The following TMEM91 variants were observed in gnomAD, a reference collection of about 807,000 sequenced individuals.
TMEM91 encodes dispanin subfamily C member 3.
In TMEM91, 6 loss-of-function variants were observed where a neutral mutation model predicts 13.3. That is an observed-to-expected ratio of 0.45 (90% CI 0.25 to 0.89). The LOEUF is 0.89. TMEM91 is among the 40% of genes least tolerant of loss of function. TMEM91 has a pLI of 0.19. For synonymous variants in TMEM91, 87 were observed against 101.7 expected (o/e 0.86, Z 0.87); for missense variants, 193 against 228.7 (o/e 0.84, Z 1.01).
chr19:41,367,196 C>T (rs939096082), intron 1 of TMEM91, among the ~76,000 whole-genome samples: 3 of 152,310 alleles, frequency 2.0e-5, no homozygotes, highest in Admixed American at 1.3e-4. Flanking sequence ...AGAGTTTATT[C>T]CAGGCTACAG....
chr19:41,380,636 C>T (rs1336971267), intron 2 of TMEM91, among the ~76,000 whole-genome samples: 1 of 151,874 alleles, frequency 6.6e-6, no homozygotes, highest in East Asian at 1.9e-4. Context: ...TTAGGCCAGG[C>T]GCGGTGGCTC....
At chr19:41,369,647 C>G (rs1037065696) in intron 1 of TMEM91, among the ~76,000 whole-genome samples, 3 of 151,576 alleles carry the variant, frequency 2.0e-5, no homozygotes, top group Middle Eastern at 3.4e-3. Flanking sequence ...CCTCCTAAAA[C>G]TACAAAAAAA....
At chr19:41,365,168 G>C (rs1424699120) in intron 1 of TMEM91, among the ~76,000 whole-genome samples, 1 of 151,692 alleles carries the variant, frequency 6.6e-6, no homozygotes, top group East Asian at 1.9e-4. Context: ...TTACAGGCGT[G>C]AGCCACCCAG....
At chr19:41,381,633 G>T (rs1283177548) in intron 2 of TMEM91, among the ~76,000 whole-genome samples, 1 of 151,994 alleles carries the variant, frequency 6.6e-6, no homozygotes, top group Admixed American at 6.6e-5. Flanking sequence ...CAAAGTGCTG[G>T]GCTTACAGGC....
Position 41,383,963 on chromosome 19 carries a change from C to T in TMEM91, c.*90C>T, listed in dbSNP as rs548185306. ...TGGAGAATCTTGGTGGATGAGGCTGCGGCGGCGGCAGGAGCATCTAGAAAC... is the reference window on the plus strand; with the variant it reads ...TGGAGAATCTTGGTGGATGAGGCTGTGGCGGCGGCAGGAGCATCTAGAAAC... On this transcript the variant is annotated 3_prime_UTR_variant, in exon 4 of 4. Coordinates refer to ENST00000392002, the MANE Select transcript of TMEM91 (RefSeq NM_001098821.2). 4.1e-5 allele frequency: 62 copies of T among 1,527,576 alleles called. No individual in the cohort carries two copies. The South Asian group carries it at 6.0e-4, about 15-fold the overall frequency. The allele number at this position is 1,527,576 out of a possible 1,614,324, so 94.6% of individuals were successfully genotyped here.
chr19:41,381,247 G>A (rs1361093893), intron 2 of TMEM91, among the ~76,000 whole-genome samples: 2 of 151,928 alleles, frequency 1.3e-5, no homozygotes, highest in African/African-American at 4.8e-5. Flanking sequence ...CTGGGGGGCA[G>A]ACATGTGATC....
At chr19:41,372,521 T>A (rs777435271), upstream of TMEM91, among the ~76,000 whole-genome samples, 6 of 20,402 alleles carry the variant, frequency 2.9e-4, no homozygotes, top group Non-Finnish European at 5.8e-4. Context: ...TTTATTGTTA[T>A]TTATTATTAT....
At chr19:41,365,647 C>T (rs1396400903) in intron 1 of TMEM91, among the ~76,000 whole-genome samples, 2 of 151,740 alleles carry the variant, frequency 1.3e-5, no homozygotes, top group Non-Finnish European at 2.9e-5. Context: ...TCAGGTGGTC[C>T]ACCCGCCTCA....
chr19:41,381,358 ATT>A (rs34434786), intron 2 of TMEM91, among the ~76,000 whole-genome samples: 5,116 of 112,818 alleles, frequency 0.045, 300 homozygotes, highest in African/African-American at 0.16. Context: ...TGCCTAGCTA[ATT>A]TTTTTTTTTT....
At chr19:41,371,416 T>C (rs1444571847) in intron 1 of TMEM91, among the ~76,000 whole-genome samples, 697 of 26,038 alleles carry the variant, frequency 0.027, 8 homozygotes, top group East Asian at 0.029. Flanking sequence ...CTCCTTTCTC[T>C]CTCTCTCTTT....
upstream of TMEM91, among the ~76,000 whole-genome samples, chr19:41,375,321 C>T (rs1173294285): frequency 8.3e-6 from 1 of 121,170 alleles, no homozygotes; most frequent in Non-Finnish European, 1.6e-5. Flanking sequence ...TGCTGTTTCC[C>T]AGGCTGGAGT....
chr19:41,365,524 C>T (rs2038505148), intron 1 of TMEM91, among the ~76,000 whole-genome samples: 1 of 151,876 alleles, frequency 6.6e-6, no homozygotes, highest in South Asian at 2.1e-4. Context: ...CCTGCCTCAG[C>T]CTCCCGAGTA....
chr19:41,367,905 A>G (rs2038554135), intron 1 of TMEM91, among the ~76,000 whole-genome samples: 4 of 152,130 alleles, frequency 2.6e-5, no homozygotes. Flanking sequence ...TGCTGGGGTT[A>G]CAGATGTGAG....
chr19:41,364,429 C>T (rs1410272272), intron 1 of TMEM91, among the ~76,000 whole-genome samples: 6 of 152,018 alleles, frequency 3.9e-5, no homozygotes, highest in African/African-American at 7.3e-5. Flanking sequence ...CGTGCTGCGC[C>T]TACCCCACCG....
chr19:41,380,629 G>C (rs540200845), intron 2 of TMEM91, among the ~76,000 whole-genome samples: 14 of 152,042 alleles, frequency 9.2e-5, no homozygotes, highest in African/African-American at 2.9e-4. Flanking sequence ...ACAAAAATTA[G>C]GCCAGGCGCG....
intron 1 of TMEM91, among the ~76,000 whole-genome samples, chr19:41,370,322 C>T (rs1478725891): frequency 2.0e-5 from 3 of 152,022 alleles, no homozygotes; most frequent in Admixed American, 2.0e-4. Flanking sequence ...GGTGATCTGC[C>T]TGCTTCGGCC....
At chr19:41,375,273 C>CTTTTTTTTTTTT (rs906641411), upstream of TMEM91, among the ~76,000 whole-genome samples, 7 of 58,658 alleles carry the variant, frequency 1.2e-4, 1 homozygote, top group African/African-American at 2.8e-4. Context: ...ATTTTCTTTT[C>CTTTTTTTTTTTT]TTTTTTTTTT....
At chr19:41,367,632 A>T (rs1034288307) in intron 1 of TMEM91, among the ~76,000 whole-genome samples, 1 of 152,200 alleles carries the variant, frequency 6.6e-6, no homozygotes, top group South Asian at 2.1e-4. Context: ...ACAAAGTCTC[A>T]AAAACAAAAC....
rs560621345 is a variant in TMEM91 at position 41,383,598 on chromosome 19, C to G, written c.361-117C>G. On this transcript the variant is annotated intron_variant, in intron 3 of 3. Transcript: ENST00000392002. ...CTGACCTATAGTAGGTGCTACGTAT[C>G]TGCTTTTGGAATACATGCATGAATG... The G allele has an allele frequency of 5.9e-5, 96 of 1,613,926 alleles. 2 individuals carry two copies. The South Asian group carries it at 8.7e-4, about 15-fold the overall frequency.
Sources: allele counts gnomAD v4.1 joint callset (sites outside exome capture counted in the v4.1 genomes callset), GRCh38; gene constraint gnomAD v4.1.1; transcripts MANE v1.5; gene names NCBI Gene and HGNC (gene_info 2026-07-23, HGNC 2026-07-21).